Variants in NEK10 observed in about 807,000 individuals in gnomAD.
The protein encoded by NEK10 is NIMA related kinase 10.
In NEK10, 122 loss-of-function variants were observed where a neutral mutation model predicts 159.8. That is an observed-to-expected ratio of 0.76 (90% CI 0.66 to 0.89). The LOEUF is 0.89. Ranked by LOEUF, NEK10 falls within the 40% of genes least tolerant of loss-of-function variation. The pLI is 0.00. For missense variants in NEK10, 1,342 were observed against 1,323.1 expected, an observed-to-expected ratio of 1.01 and a Z score of -0.22; for synonymous variants, 466 against 457.1, an observed-to-expected ratio of 1.02 and a Z score of -0.25.
chr3:27,202,501 C>T lies in NEK10; in HGVS notation c.2147G>A (p.Gly716Asp). Residue 716 changes from glycine to aspartate, a missense_variant, in exon 24 of 36, where the codon GGC (glycine) becomes GAC (aspartate). Physicochemically the swap from Gly to Asp is moderately conservative, Grantham distance 94 (BLOSUM62 -1). Coordinates refer to ENST00000691995, the MANE Select transcript of NEK10 (RefSeq NM_001394966.1). ...YGEKADVWAVGCILYQMATLS... is the reference protein window; with the variant it reads ...YGEKADVWAVDCILYQMATLS... The stretch of plus-strand genomic sequence containing the variant: ...AGTCGCCATCTGATAAAGGATGCAG[C>T]CTACTGCCCAGACATCAGCCTTCTC... 1.9e-6 allele frequency: 3 copies of T among 1,613,104 alleles called. No homozygotes were observed. Among genetic ancestry groups the T allele is most frequent in the Non-Finnish European group, 2.5e-6 (3 of 1,179,420 alleles).
chr3:27,162,251 C>A, intron 30 of NEK10: 1 of 847,846 alleles, frequency 1.2e-6, no homozygotes. Flanking sequence ...TTGGAAAAAA[C>A]AGCCCATAAT....
At chr3:27,223,296 G>A (rs1323565897) in intron 23 of NEK10, among the ~76,000 whole-genome samples, 1 of 152,074 alleles carries the variant, frequency 6.6e-6, no homozygotes, top group Non-Finnish European at 1.5e-5. Flanking sequence ...CACACCTCCT[G>A]TTCTCATATT....
intron 32 of NEK10, among the ~76,000 whole-genome samples, chr3:27,122,857 G>A (rs1294357209): frequency 6.6e-6 from 1 of 152,114 alleles, no homozygotes; most frequent in Non-Finnish European, 1.5e-5. Flanking sequence ...ATCTTTCAGG[G>A]TTCATCTCAA....
intron 1 of NEK10, among the ~76,000 whole-genome samples, chr3:27,364,735 A>T (rs536030167): frequency 9.5e-4 from 144 of 152,356 alleles, no homozygotes; most frequent in African/African-American, 3.4e-3. Context: ...GATTAGTATT[A>T]TATCTCCAAC....
chr3:27,114,629 G>C (rs1940108313), intron 35 of NEK10, among the ~76,000 whole-genome samples: 1 of 152,138 alleles, frequency 6.6e-6, no homozygotes, highest in South Asian at 2.1e-4. Context: ...GACCTTAACA[G>C]GATGTTCTTG....
At chr3:27,305,512 C>A (rs973807256) in intron 11 of NEK10, among the ~76,000 whole-genome samples, 3 of 151,210 alleles carry the variant, frequency 2.0e-5, no homozygotes, top group Non-Finnish European at 4.4e-5. Flanking sequence ...GGTGACAGAG[C>A]GAGACTCTGT....
At chr3:27,189,686 T>C (rs1948947454) in intron 26 of NEK10, among the ~76,000 whole-genome samples, 1 of 152,184 alleles carries the variant, frequency 6.6e-6, no homozygotes. Flanking sequence ...ATTAACTGCA[T>C]ACTGTCTTTT....
chr3:27,294,972 C>G (rs969361877), intron 15 of NEK10, among the ~76,000 whole-genome samples: 1 of 152,122 alleles, frequency 6.6e-6, no homozygotes, highest in African/African-American at 2.4e-5. Flanking sequence ...CACCCCAGTT[C>G]CACTGAGCAG....
chr3:27,290,733 T>A lies in NEK10; in HGVS notation c.1627A>T (p.Asn543Tyr), dbSNP rs1402999578. The A allele has an allele frequency of 1.2e-6, 2 of 1,608,558 alleles. No homozygotes were observed. The highest frequency in any genetic ancestry group is 3.4e-5 in the Admixed American group (2 of 59,588). ...VYKVRKHSGQ[N>Y]LLAMKEVNLH... ...TTGACCTCTTTCATTGCTAAAAGAT[T>A]TTGACCACTATGCTTTCTAACCTAA... The change falls in exon 19 of 36, where the codon AAT (asparagine) becomes TAT (tyrosine). Residue 543 changes from asparagine (N) to tyrosine (Y), a missense_variant. Transcript: ENST00000691995.
chr3:27,266,044 A>T (rs528810597), intron 22 of NEK10, among the ~76,000 whole-genome samples: 5 of 152,164 alleles, frequency 3.3e-5, no homozygotes, highest in African/African-American at 7.2e-5. Context: ...TGACCTCGTG[A>T]TCCACCTGCC....
chr3:27,184,945 C>T (rs1304747737), intron 26 of NEK10, among the ~76,000 whole-genome samples: 1 of 151,940 alleles, frequency 6.6e-6, no homozygotes, highest in Admixed American at 6.6e-5. Flanking sequence ...AAATAAATAG[C>T]ACATTTTTTA....
At chr3:27,133,357 A>C (rs992318277) in intron 31 of NEK10, among the ~76,000 whole-genome samples, 1 of 152,258 alleles carries the variant, frequency 6.6e-6, no homozygotes, top group Admixed American at 6.5e-5. Context: ...AGGGGCTCAC[A>C]ACACTGATTG....
chr3:27,156,205 A>G, intron 30 of NEK10, among the ~76,000 whole-genome samples: 1 of 152,144 alleles, frequency 6.6e-6, no homozygotes, highest in East Asian at 1.9e-4. Context: ...TAGATCTTCT[A>G]GAATTCTAGA....
chr3:27,223,823 T>C (rs984195012), intron 23 of NEK10, among the ~76,000 whole-genome samples: 3 of 152,242 alleles, frequency 2.0e-5, no homozygotes, highest in African/African-American at 7.2e-5. Flanking sequence ...TTATTGGACA[T>C]AACAGTCTTA....
chr3:27,277,071 T>C (rs930552704), intron 22 of NEK10, among the ~76,000 whole-genome samples: 4 of 152,164 alleles, frequency 2.6e-5, no homozygotes, highest in Admixed American at 2.6e-4. Flanking sequence ...TGAGACAGCA[T>C]TTGGAGAAGA....
intron 22 of NEK10, among the ~76,000 whole-genome samples, chr3:27,273,595 A>G (rs562098802): frequency 6.6e-6 from 1 of 152,202 alleles, no homozygotes; most frequent in South Asian, 2.1e-4. Flanking sequence ...AAGCATAGCT[A>G]AAAATTTTTA....
At chr3:27,197,489 T>TA (rs968989120) in intron 25 of NEK10, among the ~76,000 whole-genome samples, 1 of 152,150 alleles carries the variant, frequency 6.6e-6, no homozygotes, top group Non-Finnish European at 1.5e-5. Flanking sequence ...AATCACTTCT[T>TA]AGAGTTTGCA....
intron 30 of NEK10, among the ~76,000 whole-genome samples, chr3:27,154,373 A>G (rs1945194974): frequency 6.6e-6 from 1 of 152,092 alleles, no homozygotes; most frequent in Non-Finnish European, 1.5e-5. Flanking sequence ...CCACACATTC[A>G]AAGAATTGGT....
At chr3:27,273,380 G>C (rs2041524113) in intron 22 of NEK10, among the ~76,000 whole-genome samples, 1 of 152,120 alleles carries the variant, frequency 6.6e-6, no homozygotes. Context: ...TTGGTTAAGA[G>C]ATGACCTCTA....
Sources: gnomAD v4.1 joint callset for allele counts (sites outside exome capture counted in the v4.1 genomes callset) on GRCh38, gnomAD v4.1.1 for gene constraint, MANE v1.5 for transcripts, NCBI Gene and HGNC (gene_info 2026-07-23, HGNC 2026-07-21) for gene names.